Variants in SPECC1 observed in about 807,000 individuals in gnomAD.
The protein encoded by SPECC1 is sperm antigen with calponin homology and coiled-coil domains 1, also known as cytospin-B.
A neutral mutation model predicts 104.1 loss-of-function variants in SPECC1; 62 were observed. That is an observed-to-expected ratio of 0.60 (90% CI 0.49 to 0.74). The LOEUF is 0.74. SPECC1 is among the 30% of genes least tolerant of loss of function. The pLI, the probability that SPECC1 is intolerant of heterozygous loss-of-function variation, is 0.00. For missense variants in SPECC1, 1,306 were observed against 1,310.5 expected (o/e 1.00, Z 0.05); for synonymous variants, 513 against 501.6 (o/e 1.02, Z -0.30).
chr17:20,194,794 A>G (rs1050031999), intron 3 of SPECC1, among the ~76,000 whole-genome samples: 1 of 152,044 alleles, frequency 6.6e-6, no homozygotes, highest in Non-Finnish European at 1.5e-5. Context: ...GTGAGCCACC[A>G]TGCCCAGCCA....
At chr17:20,033,504 T>C (rs1409670702) in intron 1 of SPECC1, among the ~76,000 whole-genome samples, 1 of 152,150 alleles carries the variant, frequency 6.6e-6, no homozygotes, top group Non-Finnish European at 1.5e-5. Flanking sequence ...TTGTAGGCTG[T>C]ACAAGAAGCA....
intron 12 of SPECC1, among the ~76,000 whole-genome samples, chr17:20,273,250 G>A (rs1038436026): frequency 5.3e-5 from 8 of 152,144 alleles, no homozygotes; most frequent in African/African-American, 1.9e-4. Context: ...TTGGGAGGCC[G>A]AGGTGGGTGG....
chr17:20,238,016 A>T, intron 7 of SPECC1: 1 of 1,018,634 alleles, frequency 9.8e-7, no homozygotes, highest in Non-Finnish European at 1.2e-6. Flanking sequence ...TGCTGGGATT[A>T]CAGGCTTGAG....
chr17:20,051,076 CTTTCTT>C (rs1408791920), intron 1 of SPECC1, among the ~76,000 whole-genome samples: 11 of 57,128 alleles, frequency 1.9e-4, no homozygotes, highest in Admixed American at 1.8e-4. Context: ...CTTTTTCTTT[CTTTCTT>C]TCTTTCTTTC....
chr17:20,250,261 G>A (rs533336792), intron 9 of SPECC1, among the ~76,000 whole-genome samples: 18 of 152,288 alleles, frequency 1.2e-4, no homozygotes, highest in African/African-American at 4.1e-4. Flanking sequence ...AAGATGCTTT[G>A]AGTCCAACAA....
intron 1 of SPECC1, among the ~76,000 whole-genome samples, chr17:20,091,300 C>G (rs1400183385): frequency 2.6e-5 from 4 of 152,116 alleles, no homozygotes; most frequent in Admixed American, 2.6e-4. Flanking sequence ...CCGTCAGCTG[C>G]GCCCCAACCA....
intron 1 of SPECC1, among the ~76,000 whole-genome samples, chr17:20,032,057 T>C (rs1457795086): frequency 6.6e-6 from 1 of 152,228 alleles, no homozygotes; most frequent in African/African-American, 2.4e-5. Flanking sequence ...TTATTTTTTT[T>C]CTTTGAGCAC....
At chr17:20,091,798 C>T (rs996851754) in intron 1 of SPECC1, among the ~76,000 whole-genome samples, 2 of 152,176 alleles carry the variant, frequency 1.3e-5, no homozygotes, top group Admixed American at 1.3e-4. Context: ...GTAGCCGAGC[C>T]CTGAGTGCCC....
rs1257680679 is a variant in SPECC1, at chr17:20,021,680, A to AT, written c.-22+12256_-22+12257insT. Among the ~76,000 whole-genome samples the AT allele has an allele frequency of 2.1e-4, 30 of 141,728 alleles. No individual in the cohort carries two copies. In the East Asian group the frequency reaches 6.4e-3, roughly 30 times the overall value. 93.0% of individuals were successfully genotyped at this position (141,728 alleles called of 152,430 possible). ...GCTCTGATATATATATATATAATAT[A>AT]ATAATATATATATATATATATATTT... On this transcript the variant is annotated intron_variant, in intron 1 of 14. Transcript: ENST00000395527.
At chr17:20,310,071 C>T (rs1196402485) in intron 14 of SPECC1, among the ~76,000 whole-genome samples, 1 of 152,090 alleles carries the variant, frequency 6.6e-6, no homozygotes, top group East Asian at 1.9e-4. Context: ...ATCCACCCAC[C>T]TCAGCCTCCC....
At chr17:20,144,457 C>T (rs529101119) in intron 3 of SPECC1, among the ~76,000 whole-genome samples, 1 of 152,156 alleles carries the variant, frequency 6.6e-6, no homozygotes, top group East Asian at 1.9e-4. Context: ...TCCCAAAGTG[C>T]TGGGATTGCA....
chr17:20,207,864 T>C (rs1255868596), intron 4 of SPECC1, among the ~76,000 whole-genome samples: 1 of 152,212 alleles, frequency 6.6e-6, no homozygotes, highest in African/African-American at 2.4e-5. Flanking sequence ...GATTAGTTTA[T>C]CTATTCCACT....
chr17:20,220,741 A>G (rs1304057507), intron 4 of SPECC1, among the ~76,000 whole-genome samples: 1 of 152,146 alleles, frequency 6.6e-6, no homozygotes, highest in Non-Finnish European at 1.5e-5. Context: ...GACAGTGGGC[A>G]TCCTTATCCT....
chr17:20,315,624 A>G lies in SPECC1; in HGVS notation c.*1559A>G. 1 of 232,466 alleles carries G rather than the reference A, an allele frequency of 4.3e-6. No homozygotes were observed. The highest frequency in any genetic ancestry group is 8.5e-6 in the Non-Finnish European group (1 of 117,696). The allele number at this position is 232,466 out of a possible 1,614,324, so 14.4% of individuals were successfully genotyped here. On this transcript the variant is annotated 3_prime_UTR_variant, in exon 15 of 15. Coordinates refer to ENST00000395527, the MANE Select transcript of SPECC1 (RefSeq NM_001243439.2). ...CATTACTATTCAAAGTACATCTCTGATTGCTGATCTGAGCCACTGGTTCAG... is the reference window on the plus strand; with the variant it reads ...CATTACTATTCAAAGTACATCTCTGGTTGCTGATCTGAGCCACTGGTTCAG...
intron 1 of SPECC1, among the ~76,000 whole-genome samples, chr17:20,061,638 A>C (rs2046187778): frequency 6.6e-6 from 1 of 152,236 alleles, no homozygotes; most frequent in African/African-American, 2.4e-5. Context: ...GCCTATGAGG[A>C]AATTGATTTC....
intron 12 of SPECC1, among the ~76,000 whole-genome samples, chr17:20,271,765 T>C (rs1020618094): frequency 2.0e-5 from 3 of 150,426 alleles, no homozygotes; most frequent in Non-Finnish European, 3.0e-5. Context: ...TTCCCCTTTG[T>C]TTTTTTTTCC....
chr17:20,270,732 G>A (rs139346955), intron 12 of SPECC1, among the ~76,000 whole-genome samples: 1 of 152,144 alleles, frequency 6.6e-6, no homozygotes, highest in East Asian at 1.9e-4. Flanking sequence ...TAAGTTCCTA[G>A]AAGTGAATTT....
chr17:20,208,948 G>C (rs1314869487), intron 4 of SPECC1, among the ~76,000 whole-genome samples: 1 of 152,106 alleles, frequency 6.6e-6, no homozygotes, highest in Non-Finnish European at 1.5e-5. Flanking sequence ...CTGCAGCCAG[G>C]CACCACCATG....
intron 4 of SPECC1, among the ~76,000 whole-genome samples, chr17:20,222,543 G>C (rs2151436288): frequency 6.6e-6 from 1 of 152,212 alleles, no homozygotes; most frequent in South Asian, 2.1e-4. Context: ...TTTTGTTGTT[G>C]TCTGTTGTTT....
Sources: gnomAD v4.1 joint callset for allele counts (sites outside exome capture counted in the v4.1 genomes callset) on GRCh38, gnomAD v4.1.1 for gene constraint, MANE v1.5 for transcripts, NCBI Gene and HGNC (gene_info 2026-07-23, HGNC 2026-07-21) for gene names.